Variants in ASXL3 observed in about 807,000 individuals in gnomAD.
ASXL3 encodes the protein putative Polycomb group protein ASXL3.
A neutral mutation model predicts 170.6 loss-of-function variants in ASXL3; 34 were observed. The observed-to-expected ratio is 0.20, with a 90% CI of 0.15 to 0.27. The LOEUF (loss-of-function observed/expected upper bound fraction) is 0.27, where lower values mean the gene tolerates loss of function less well. Among genes scored for constraint, ASXL3 ranks in the 10% least tolerant of loss-of-function variants. The probability of loss-of-function intolerance (pLI) is 1.00; values close to 1 mark genes in which losing one functional copy is unlikely to be tolerated. For synonymous variants in ASXL3, 1,002 were observed against 989.1 expected (o/e 1.01, Z -0.24); for missense variants, 2,592 against 2,695.3 (o/e 0.96, Z 0.85).
intron 2 of ASXL3, among the ~76,000 whole-genome samples, chr18:33,622,862 C>T (rs572188291): frequency 2.0e-5 from 3 of 152,224 alleles, no homozygotes; most frequent in African/African-American, 7.2e-5. Context: ...AGGCATGTTC[C>T]AAGATAAAAA....
intron 4 of ASXL3, among the ~76,000 whole-genome samples, chr18:33,656,821 C>A (rs2066092168): frequency 6.6e-6 from 1 of 152,024 alleles, no homozygotes; most frequent in South Asian, 2.1e-4. Flanking sequence ...AAGTTTACAA[C>A]AATTCATTTT....
intron 1 of ASXL3, among the ~76,000 whole-genome samples, chr18:33,597,887 G>C (rs1359274787): frequency 2.0e-5 from 3 of 151,844 alleles, no homozygotes; most frequent in African/African-American, 7.2e-5. Context: ...CAAGTTCTTA[G>C]AAAAATGCCT....
At chr18:33,585,672 A>G (rs2065028866) in intron 1 of ASXL3, among the ~76,000 whole-genome samples, 1 of 152,214 alleles carries the variant, frequency 6.6e-6, no homozygotes, top group South Asian at 2.1e-4. Context: ...GCTTGTCAGA[A>G]CATTGCCTTT....
chr18:33,617,775 A>G (rs183010583), intron 2 of ASXL3, among the ~76,000 whole-genome samples: 1 of 152,298 alleles, frequency 6.6e-6, no homozygotes, highest in Admixed American at 6.5e-5. Flanking sequence ...TTACTCCAGA[A>G]ACATTGAACA....
rs779921043 is a variant in ASXL3, at chr18:33,744,164, A to C, written c.4316A>C (p.Lys1439Thr). 6 of 1,614,014 alleles carry C rather than the reference A, an allele frequency of 3.7e-6. No individual in the cohort carries two copies. Among genetic ancestry groups the C allele is most frequent in the Non-Finnish European group, 5.1e-6 (6 of 1,179,896 alleles). ...PPKLSAESLD[K>T]NSGPRNRADN... The stretch of plus-strand genomic sequence containing the variant: ...AAGTTAAGTGCTGAAAGCTTGGACA[A>C]AAATTCAGGGCCTCGAAACAGGGCA... Residue 1439 changes from lysine to threonine, a missense_variant, in exon 12 of 12, where the codon AAA (lysine) becomes ACA (threonine). By Grantham distance (78) the Lys-to-Thr change is moderately conservative. Transcript: ENST00000269197.
At chr18:33,670,385 C>T (rs2066321078) in intron 5 of ASXL3, among the ~76,000 whole-genome samples, 1 of 152,204 alleles carries the variant, frequency 6.6e-6, no homozygotes, top group Non-Finnish European at 1.5e-5. Context: ...TCCATGGACT[C>T]TCAAGCCACA....
chr18:33,731,953 G>A lies in ASXL3; in HGVS notation c.880-15G>A, dbSNP rs777789527. The A allele has an allele frequency of 6.3e-7, 1 of 1,593,610 alleles. No individual in the cohort carries two copies. The highest frequency in any genetic ancestry group is 8.5e-7 in the Non-Finnish European group (1 of 1,171,462). ...TTCCTGATGGAACCTTGTTTTTGTC[G>A]GCTTATTTTCCTAGATGGGAAGTGA... On this transcript the variant is annotated splice_polypyrimidine_tract_variant and intron_variant, in intron 8 of 11. Coordinates refer to ENST00000269197, the MANE Select transcript of ASXL3 (RefSeq NM_030632.3).
intron 2 of ASXL3, among the ~76,000 whole-genome samples, chr18:33,619,924 T>G (rs1231976822): frequency 6.6e-6 from 1 of 152,100 alleles, no homozygotes; most frequent in Admixed American, 6.6e-5. Context: ...TTTTTCCTTT[T>G]GAGATACGTG....
In ASXL3 at chr18:33,749,464, A is replaced by T. The variant is rs2067850324; in HGVS notation, c.*2869A>T. The T allele has an allele frequency of 6.6e-6, 1 of 151,456 alleles. No homozygotes were observed. Among genetic ancestry groups the T allele is most frequent in the South Asian group, 2.1e-4 (1 of 4,810 alleles). 9.4% of individuals were successfully genotyped at this position (151,456 alleles called of 1,614,324 possible). A position where few individuals can be genotyped will look rare whatever the true frequency, so the allele number is the denominator to read the frequency against. ...ATTTTTTTTTTTTTAATCACAAAGGATGTATTTCCCTAAGTAGCACTTTTG... is the reference window on the plus strand; with the variant it reads ...ATTTTTTTTTTTTTAATCACAAAGGTTGTATTTCCCTAAGTAGCACTTTTG... On this transcript the variant is annotated 3_prime_UTR_variant, in exon 12 of 12. Coordinates refer to ENST00000269197, the MANE Select transcript of ASXL3 (RefSeq NM_030632.3).
chr18:33,597,979 A>G (rs1358984994), intron 1 of ASXL3, among the ~76,000 whole-genome samples: 1 of 152,124 alleles, frequency 6.6e-6, no homozygotes, highest in Non-Finnish European at 1.5e-5. Flanking sequence ...TGGATTCCCA[A>G]GATTTAAAAC....
intron 8 of ASXL3, among the ~76,000 whole-genome samples, chr18:33,697,896 T>C (rs1276912330): frequency 6.6e-6 from 1 of 152,108 alleles, no homozygotes; most frequent in African/African-American, 2.4e-5. Flanking sequence ...GAATTTTCTC[T>C]CTATGATACT....
chr18:33,699,006 A>T (rs1234893728), intron 8 of ASXL3, among the ~76,000 whole-genome samples: 1 of 152,162 alleles, frequency 6.6e-6, no homozygotes, highest in Non-Finnish European at 1.5e-5. Flanking sequence ...AACCAAGTTA[A>T]TAAAAAGACA....
intron 2 of ASXL3, among the ~76,000 whole-genome samples, chr18:33,631,071 T>C (rs1041838497): frequency 6.6e-6 from 1 of 151,874 alleles, no homozygotes; most frequent in Non-Finnish European, 1.5e-5. Flanking sequence ...AAGGAAAAGA[T>C]GGAGATAATT....
At chr18:33,596,297 A>T (rs1359556213) in intron 1 of ASXL3, among the ~76,000 whole-genome samples, 1 of 152,198 alleles carries the variant, frequency 6.6e-6, no homozygotes, top group Non-Finnish European at 1.5e-5. Flanking sequence ...CCACTGTAGT[A>T]AGCCAGAGAG....
At chr18:33,676,560 G>A (rs982566430) in intron 7 of ASXL3, among the ~76,000 whole-genome samples, 3 of 152,102 alleles carry the variant, frequency 2.0e-5, no homozygotes, top group Non-Finnish European at 4.4e-5. Context: ...AAGTACAATA[G>A]AAAACACTGT....
At chr18:33,603,783 A>G (rs1304785819) in intron 1 of ASXL3, among the ~76,000 whole-genome samples, 1 of 152,136 alleles carries the variant, frequency 6.6e-6, no homozygotes, top group Non-Finnish European at 1.5e-5. Context: ...GAGATGCAAG[A>G]CATCTCAGAG....
At chr18:33,662,344 C>T (rs1026394827) in intron 5 of ASXL3, among the ~76,000 whole-genome samples, 1 of 152,124 alleles carries the variant, frequency 6.6e-6, no homozygotes, top group African/African-American at 2.4e-5. Context: ...GGTTTGAATT[C>T]TTGCTACTCA....
At chr18:33,624,953 TA>T (rs1470729432) in intron 2 of ASXL3, among the ~76,000 whole-genome samples, 3 of 152,162 alleles carry the variant, frequency 2.0e-5, no homozygotes, top group Admixed American at 2.0e-4. Flanking sequence ...ATATTTTAAT[TA>T]TGAACAGTAA....
At chr18:33,605,253 T>G (rs1011909676) in intron 1 of ASXL3, among the ~76,000 whole-genome samples, 8 of 152,042 alleles carry the variant, frequency 5.3e-5, no homozygotes, top group African/African-American at 1.9e-4. Flanking sequence ...TATTAGAGTA[T>G]GGCTGTCTGT....
Sources: gnomAD v4.1 joint callset for allele counts (sites outside exome capture counted in the v4.1 genomes callset) on GRCh38, gnomAD v4.1.1 for gene constraint, MANE v1.5 for transcripts, NCBI Gene and HGNC (gene_info 2026-07-23, HGNC 2026-07-21) for gene names.